CHRM3: variants seen among roughly 807,000 people sequenced by gnomAD.
CHRM3 encodes cholinergic receptor muscarinic 3.
CHRM3 carries 11 observed loss-of-function variants against 41.8 expected under a neutral mutation model. The ratio of observed to expected loss-of-function variants is 0.26; its 90% CI spans 0.17 to 0.44. The LOEUF (loss-of-function observed/expected upper bound fraction) is 0.44. Ranked by LOEUF, CHRM3 falls within the 20% of genes least tolerant of loss-of-function variation. The pLI, the probability that CHRM3 is intolerant of heterozygous loss-of-function variation, is 1.00. For missense variants in CHRM3, 571 were observed against 745.4 expected, an observed-to-expected ratio of 0.77 and a Z score of 2.72; for synonymous variants, 297 against 301.4, an observed-to-expected ratio of 0.99 and a Z score of 0.15.
intron 2 of CHRM3, among the ~76,000 whole-genome samples, chr1:239,541,493 T>C (rs949906388): frequency 6.6e-5 from 10 of 152,050 alleles, no homozygotes; most frequent in African/African-American, 2.4e-4. Context: ...TATGCTATGT[T>C]CATTTTTTAT....
chr1:239,513,741 T>C (rs1669077042), intron 2 of CHRM3, among the ~76,000 whole-genome samples: 1 of 152,206 alleles, frequency 6.6e-6, no homozygotes, highest in Non-Finnish European at 1.5e-5. Flanking sequence ...TGTTATCTTT[T>C]AGGAGTTACA....
chr1:239,416,704 A>G (rs1215969152), intron 1 of CHRM3, among the ~76,000 whole-genome samples: 2 of 152,202 alleles, frequency 1.3e-5, no homozygotes, highest in Non-Finnish European at 2.9e-5. Context: ...CTGGAAGGCT[A>G]GGAGACTTTC....
intron 6 of CHRM3, among the ~76,000 whole-genome samples, chr1:239,904,375 C>A (rs925735611): frequency 2.0e-5 from 3 of 152,154 alleles, no homozygotes; most frequent in Admixed American, 6.6e-5. Flanking sequence ...CCCAGTAGAC[C>A]AATAGTAATA....
chr1:239,620,937 T>G (rs1352915436), intron 3 of CHRM3, among the ~76,000 whole-genome samples: 1 of 152,130 alleles, frequency 6.6e-6, no homozygotes, highest in Non-Finnish European at 1.5e-5. Context: ...TTTATTTTAT[T>G]GTGCTTCAGT....
chr1:239,682,869 C>T (rs993581417), intron 5 of CHRM3, among the ~76,000 whole-genome samples: 9 of 152,142 alleles, frequency 5.9e-5, no homozygotes, highest in South Asian at 4.1e-4. Flanking sequence ...TTAATTGACA[C>T]GTAATAATTG....
intron 5 of CHRM3, among the ~76,000 whole-genome samples, chr1:239,685,083 T>G (rs1182190465): frequency 6.6e-6 from 1 of 152,200 alleles, no homozygotes; most frequent in African/African-American, 2.4e-5. Flanking sequence ...TCTGCCTACC[T>G]TCTCTGATTT....
intron 2 of CHRM3, among the ~76,000 whole-genome samples, chr1:239,494,867 G>T (rs1416281191): frequency 6.6e-6 from 1 of 152,112 alleles, no homozygotes; most frequent in Non-Finnish European, 1.5e-5. Context: ...TCCCTGAAAA[G>T]GACATGACCT....
At chr1:239,643,444 T>G (rs1671418934) in intron 4 of CHRM3, among the ~76,000 whole-genome samples, 1 of 152,186 alleles carries the variant, frequency 6.6e-6, no homozygotes, top group Admixed American at 6.5e-5. Context: ...CCCAGCTGCT[T>G]TGTTTACCTA....
intron 5 of CHRM3, among the ~76,000 whole-genome samples, chr1:239,781,347 A>G (rs1473953630): frequency 1.3e-5 from 2 of 152,116 alleles, no homozygotes; most frequent in Admixed American, 6.6e-5. Flanking sequence ...ATTTATACCT[A>G]TTTGGGGGAA....
At chr1:239,846,087 A>G (rs569396485) in intron 6 of CHRM3, among the ~76,000 whole-genome samples, 62 of 152,158 alleles carry the variant, frequency 4.1e-4, no homozygotes, top group African/African-American at 1.5e-3. Flanking sequence ...TGAAACTTAC[A>G]ACTTTTTTTT....
chr1:239,874,844 A>C (rs1426954707), intron 6 of CHRM3, among the ~76,000 whole-genome samples: 1 of 151,976 alleles, frequency 6.6e-6, no homozygotes, highest in Non-Finnish European at 1.5e-5. Flanking sequence ...GATGACAGGC[A>C]TGCACGACCA....
chr1:239,811,086 G>A (rs1671078678), intron 5 of CHRM3, among the ~76,000 whole-genome samples: 1 of 152,182 alleles, frequency 6.6e-6, no homozygotes, highest in African/African-American at 2.4e-5. Flanking sequence ...AATTCGAACA[G>A]TTTATGAATT....
intron 5 of CHRM3, among the ~76,000 whole-genome samples, chr1:239,814,914 T>C (rs938346504): frequency 6.6e-6 from 1 of 152,112 alleles, no homozygotes; most frequent in Admixed American, 6.5e-5. Context: ...TAGCTGGGAT[T>C]ACAGGCACAC....
intron 1 of CHRM3, among the ~76,000 whole-genome samples, chr1:239,477,072 A>C (rs1666516614): frequency 6.6e-6 from 1 of 152,216 alleles, no homozygotes; most frequent in Non-Finnish European, 1.5e-5. Context: ...AAGTAGCATA[A>C]TGATTTCATG....
chr1:239,601,529 T>G (rs1337098573), intron 3 of CHRM3, among the ~76,000 whole-genome samples: 1 of 151,906 alleles, frequency 6.6e-6, no homozygotes, highest in African/African-American at 2.4e-5. Flanking sequence ...TAGAGTTTTA[T>G]AGTCTTAAGA....
At chr1:239,549,556 G>A (rs1020392025) in intron 3 of CHRM3, among the ~76,000 whole-genome samples, 1 of 150,948 alleles carries the variant, frequency 6.6e-6, no homozygotes, top group African/African-American at 2.4e-5. Context: ...AGCTGCCCGG[G>A]AGGCTGAGGC....
intron 1 of CHRM3, among the ~76,000 whole-genome samples, chr1:239,474,767 G>A (rs1666356476): frequency 6.6e-6 from 1 of 152,042 alleles, no homozygotes; most frequent in Non-Finnish European, 1.5e-5. Context: ...GTGGGCTACT[G>A]CATACAAAGA....
chr1:239,873,356 T>C (rs1311221618), intron 6 of CHRM3, among the ~76,000 whole-genome samples: 1 of 152,114 alleles, frequency 6.6e-6, no homozygotes, highest in African/African-American at 2.4e-5. Context: ...TTTTTTTTTA[T>C]TTATTTTTAT....
intron 3 of CHRM3, among the ~76,000 whole-genome samples, chr1:239,567,244 G>C (rs1037757728): frequency 6.6e-6 from 1 of 151,702 alleles, no homozygotes; most frequent in Non-Finnish European, 1.5e-5. Context: ...GGCTGAGGTG[G>C]GAGGATCACT....
Sources: gnomAD v4.1 joint callset for allele counts (sites outside exome capture counted in the v4.1 genomes callset) on GRCh38, gnomAD v4.1.1 for gene constraint, MANE v1.5 for transcripts, NCBI Gene and HGNC (gene_info 2026-07-23, HGNC 2026-07-21) for gene names.